USP47: variants seen among roughly 807,000 people sequenced by gnomAD.
The protein encoded by USP47 is ubiquitin carboxyl-terminal hydrolase 47.
Under a neutral mutation model 165.1 loss-of-function variants are expected in USP47, and 35 were observed. The ratio of observed to expected loss-of-function variants is 0.21; its 90% confidence interval spans 0.16 to 0.28. USP47 has a LOEUF of 0.28. Among genes scored for constraint, USP47 ranks in the 10% least tolerant of loss-of-function variants. USP47 has a pLI of 1.00. For missense variants in USP47, 1,277 were observed against 1,607.4 expected (o/e 0.79, Z 3.52); for synonymous variants, 531 against 544.5 (o/e 0.98, Z 0.35).
intron 4 of USP47, 140 bp downstream of exon 4, chr11:11,892,246 A>G (rs1185688457): frequency 1.2e-6 from 1 of 837,838 alleles, no homozygotes; most frequent in Non-Finnish European, 1.7e-6. Flanking sequence ...CCGCAAAGTT[A>G]GAAGAAGTAT....
chr11:11,946,819 T>C (rs1209817461), intron 20 of USP47, among the ~76,000 whole-genome samples: 1 of 152,220 alleles, frequency 6.6e-6, no homozygotes, highest in South Asian at 2.1e-4. Flanking sequence ...ATCACCCTCT[T>C]CATACTTTCT....
chr11:11,904,117 T>G (rs1187161089), intron 7 of USP47, among the ~76,000 whole-genome samples: 2 of 152,174 alleles, frequency 1.3e-5, no homozygotes, highest in East Asian at 3.8e-4. Context: ...GAACATCACA[T>G]AAGAGTAAGT....
intron 20 of USP47, 135 bp from the exon 21 acceptor site, chr11:11,947,810 A>G (rs1855942189): frequency 1.3e-6 from 1 of 790,850 alleles, no homozygotes; most frequent in Non-Finnish European, 1.9e-6. Flanking sequence ...AGTGTGGTAT[A>G]TTAGCTAAAG....
At position 11,851,070 on chromosome 11, in the gene USP47, T is replaced by C. The variant is rs1454132999; in HGVS notation, c.39+8846T>C. Among the ~76,000 whole-genome samples the C allele has an allele frequency of 3.3e-5, 5 of 152,202 alleles. No homozygotes were observed. In the East Asian group the frequency reaches 9.6e-4, roughly 29 times the overall value. On this transcript the variant is annotated intron_variant, in intron 1 of 27. Coordinates refer to ENST00000527733, the MANE Select transcript of USP47 (RefSeq NM_001282659.2). ...ATTTTGGGGTAAGGAGACATAGGCA[T>C]TTAGACCAGGGCACCCAGTGACACA...
chr11:11,942,362 G>A lies in USP47; in HGVS notation c.2341G>A (p.Asp781Asn). ...KVFVESSETL[D>N]YQMAFADSHL... Reference sequence around the variant, plus strand: ...GTTTGTTGAAAGCTCCGAGACTTTGGATTACCAGATGGCCTTTGCAGACTC... The same window carrying A: ...GTTTGTTGAAAGCTCCGAGACTTTGAATTACCAGATGGCCTTTGCAGACTC... The change falls in exon 20 of 28, where the codon GAT (aspartate) becomes AAT (asparagine). Residue 781 changes from aspartate to asparagine, a missense_variant. By Grantham distance (23) the Asp-to-Asn change is conservative. Transcript: ENST00000527733. 1 of 1,605,696 alleles carries A rather than the reference G, an allele frequency of 6.2e-7. No homozygotes were observed. Among genetic ancestry groups the A allele is most frequent in the Non-Finnish European group, 8.5e-7 (1 of 1,176,304 alleles).
In USP47 at chr11:11,960,677, A is replaced by C. The variant is rs1417660397; in HGVS notation, c.*4502A>C. 2.0e-5 allele frequency among the ~76,000 whole-genome samples: 3 copies of C among 152,192 alleles called. No individual in the cohort carries two copies. The highest frequency in any genetic ancestry group is 7.2e-5 in the African/African-American group (3 of 41,436). On this transcript the variant is annotated 3_prime_UTR_variant, in exon 28 of 28. Coordinates refer to ENST00000527733, the MANE Select transcript of USP47 (RefSeq NM_001282659.2). ...AAGGGGATTTCACCCTCCCTTGGTC[A>C]TCTTTATACAGGGCAATTGTGCTGC...
intron 8 of USP47, among the ~76,000 whole-genome samples, chr11:11,916,383 A>G (rs568655935): frequency 7.9e-5 from 12 of 152,364 alleles, no homozygotes; most frequent in African/African-American, 2.9e-4. Context: ...AATTATCAAC[A>G]TGGTACTCTG....
intron 20 of USP47, among the ~76,000 whole-genome samples, chr11:11,944,748 A>G (rs1855712240): frequency 6.6e-6 from 1 of 152,216 alleles, no homozygotes; most frequent in African/African-American, 2.4e-5. Flanking sequence ...AAGGAAAAAT[A>G]GTAGTAACTG....
chr11:11,913,010 T>TA (rs1197842324), intron 8 of USP47, among the ~76,000 whole-genome samples: 6 of 151,952 alleles, frequency 3.9e-5, no homozygotes. Flanking sequence ...TCAACTTGAT[T>TA]AAAAAACGTA....
chr11:11,875,749 G>A (rs904994533), intron 1 of USP47, among the ~76,000 whole-genome samples: 5 of 152,108 alleles, frequency 3.3e-5, no homozygotes, highest in Admixed American at 2.6e-4. Flanking sequence ...GGTTACGGGC[G>A]TGTGCCACCA....
intron 1 of USP47, among the ~76,000 whole-genome samples, chr11:11,853,668 A>G (rs927256609): frequency 6.6e-6 from 1 of 152,192 alleles, no homozygotes; most frequent in Non-Finnish European, 1.5e-5. Flanking sequence ...TCATTTAATG[A>G]AACTAAACTG....
chr11:11,943,135 G>T, intron 20 of USP47, 23 bp downstream of exon 20: 1 of 1,571,050 alleles, frequency 6.4e-7, no homozygotes, highest in South Asian at 1.2e-5. Context: ...AAAGAAAAAC[G>T]GTCCTTGAAA....
chr11:11,851,918 T>C (rs535079880), intron 1 of USP47, among the ~76,000 whole-genome samples: 1 of 152,246 alleles, frequency 6.6e-6, no homozygotes, highest in Admixed American at 6.5e-5. Context: ...GTGCATTATG[T>C]TGGTAGGGGG....
Position 11,959,845 on chromosome 11 carries a change from T to C in USP47, c.*3670T>C, listed in dbSNP as rs1847376809. On this transcript the variant is annotated 3_prime_UTR_variant, in exon 28 of 28. Transcript: ENST00000527733. ...CAGCTCACCAGGTCAGAAATTGTTA[T>C]TGGACCCTAAAACCTTGCCTCACAG... Among the ~76,000 whole-genome samples the C allele has an allele frequency of 6.6e-6, 1 of 152,172 alleles. No individual in the cohort carries two copies. The highest frequency in any genetic ancestry group is 1.5e-5 in the Non-Finnish European group (1 of 68,030).
intron 16 of USP47, among the ~76,000 whole-genome samples, chr11:11,936,075 A>C (rs889015368): frequency 1.3e-5 from 2 of 151,806 alleles, no homozygotes; most frequent in African/African-American, 4.8e-5. Flanking sequence ...TATTTAGTAC[A>C]TGCTTTATAT....
intron 5 of USP47, among the ~76,000 whole-genome samples, chr11:11,901,172 A>G (rs1368540716): frequency 6.6e-6 from 1 of 152,204 alleles, no homozygotes; most frequent in Non-Finnish European, 1.5e-5. Context: ...AGATGAGAAC[A>G]GAGCTGTGAC....
At chr11:11,855,464 A>G (rs1366895028) in intron 1 of USP47, among the ~76,000 whole-genome samples, 4 of 152,248 alleles carry the variant, frequency 2.6e-5, no homozygotes, top group African/African-American at 9.6e-5. Flanking sequence ...ATAATTTTCA[A>G]GTATTAGTGT....
chr11:11,842,480 T>G (rs1848184855), intron 1 of USP47, among the ~76,000 whole-genome samples: 1 of 152,188 alleles, frequency 6.6e-6, no homozygotes, highest in Non-Finnish European at 1.5e-5. Context: ...CGGGAAAGAA[T>G]CAGGTTCTGC....
intron 3 of USP47, among the ~76,000 whole-genome samples, chr11:11,885,931 T>TCCAGTGTATCA (rs967688697): frequency 1.3e-5 from 2 of 152,304 alleles, no homozygotes; most frequent in Admixed American, 1.3e-4. Flanking sequence ...TGGTGATACC[T>TCCAGTGTATCA]CCAGGTATGG....
Sources: allele counts gnomAD v4.1 joint callset (sites outside exome capture counted in the v4.1 genomes callset), GRCh38; gene constraint gnomAD v4.1.1; transcripts MANE v1.5; gene names NCBI Gene and HGNC (gene_info 2026-07-23, HGNC 2026-07-21).